Variants in CRISPLD1 observed in about 807,000 individuals in gnomAD.
CRISPLD1 encodes cysteine rich secretory protein LCCL domain containing 1, also known as cysteine-rich secretory protein LCCL domain-containing 1.
A neutral mutation model predicts 77.5 loss-of-function variants in CRISPLD1; 60 were observed. That is an observed-to-expected ratio of 0.77 (90% confidence interval 0.63 to 0.96). The LOEUF is 0.96. Among genes scored for constraint, CRISPLD1 ranks in the 40% least tolerant of loss-of-function variants. The probability of loss-of-function intolerance (pLI) is 0.00; values close to 1 mark genes in which losing one functional copy is unlikely to be tolerated. For synonymous variants in CRISPLD1, 195 were observed against 200.1 expected (o/e 0.97, Z 0.22); for missense variants, 623 against 615.8 (o/e 1.01, Z -0.12).
chr8:74,993,336 A>G (rs1256991003), intron 2 of CRISPLD1, among the ~76,000 whole-genome samples: 1 of 152,220 alleles, frequency 6.6e-6, no homozygotes, highest in East Asian at 1.9e-4. Context: ...TCTCTGACAT[A>G]TAGTATCTGC....
chr8:75,007,080 G>C (rs1812845263), intron 2 of CRISPLD1, among the ~76,000 whole-genome samples: 1 of 151,844 alleles, frequency 6.6e-6, no homozygotes, highest in African/African-American at 2.4e-5. Flanking sequence ...ACTCTCTTCA[G>C]ACAAATTCTT....
At chr8:74,993,818 A>C (rs558019097) in intron 2 of CRISPLD1, among the ~76,000 whole-genome samples, 1 of 152,342 alleles carries the variant, frequency 6.6e-6, no homozygotes, top group East Asian at 1.9e-4. Flanking sequence ...GGAGTTTACT[A>C]AATGCCAGGC....
chr8:75,013,990 G>C lies in CRISPLD1; in HGVS notation c.514G>C (p.Val172Leu). Residue 172 changes from valine to leucine, a missense_variant, in exon 5 of 15, where the codon GTG becomes CTG. Physicochemically the swap from Val to Leu is conservative, Grantham distance 32 (BLOSUM62 1). Coordinates refer to ENST00000262207, the MANE Select transcript of CRISPLD1 (RefSeq NM_031461.6). ...GCCTTTCATTTTTCTAACATAGGTC[G>C]TGTGGGCAACTAGTAACAGAATCGG... is the stretch of plus-strand genomic sequence containing the variant. ...GPVCTHYTQV[V>L]WATSNRIGCA... is the part of the protein sequence containing the mutation. 1 of 1,608,800 alleles carries C rather than the reference G, an allele frequency of 6.2e-7. No individual in the cohort carries two copies. Among genetic ancestry groups the C allele is most frequent in the Non-Finnish European group, 8.5e-7 (1 of 1,175,680 alleles).
intron 2 of CRISPLD1, 81 bp from the exon 3 acceptor site, chr8:75,012,352 T>G (rs535569429): frequency 1.5e-5 from 12 of 801,800 alleles, no homozygotes; most frequent in Non-Finnish European, 2.6e-5. Flanking sequence ...AAGAAGAAAA[T>G]GTAAGAACTG....
At position 75,020,049 on chromosome 8, in the gene CRISPLD1, C is replaced by T. The variant is rs1049378754; in HGVS notation, c.1214C>T (p.Pro405Leu). 6.2e-7 allele frequency: 1 copy of T among 1,614,074 alleles called. No homozygotes were observed. The highest frequency in any genetic ancestry group is 8.5e-7 in the Non-Finnish European group (1 of 1,179,974). Reference protein sequence around the residue: ...TCETTVEQLCPFHKPASHCPR... With the variant: ...TCETTVEQLCLFHKPASHCPR... ...GAAACAACTGTGGAACAGCTCTGTCCATTTCATAAGCCTGCTTCACATTGC... is the reference window on the plus strand; with the variant it reads ...GAAACAACTGTGGAACAGCTCTGTCTATTTCATAAGCCTGCTTCACATTGC... The change falls in exon 12 of 15, where the codon CCA becomes CTA. Residue 405 changes from proline to leucine, a missense_variant. By Grantham distance (98) the Pro-to-Leu change is moderately conservative (BLOSUM62 -3). Transcript: ENST00000262207.
chr8:75,024,256 G>A (rs1813194302), intron 12 of CRISPLD1, among the ~76,000 whole-genome samples: 1 of 152,184 alleles, frequency 6.6e-6, no homozygotes, highest in African/African-American at 2.4e-5. Flanking sequence ...CATTTACTCT[G>A]AATGTGATGG....
intron 2 of CRISPLD1, among the ~76,000 whole-genome samples, chr8:74,991,931 A>G (rs899282158): frequency 3.9e-5 from 6 of 152,152 alleles, no homozygotes; most frequent in South Asian, 2.1e-4. Context: ...ATTTAAGCCT[A>G]TTTATAGTAT....
chr8:74,992,926 T>C (rs936022411), intron 2 of CRISPLD1, among the ~76,000 whole-genome samples: 7 of 150,222 alleles, frequency 4.7e-5, no homozygotes, highest in Non-Finnish European at 1.0e-4. Flanking sequence ...TTTTTTTTTT[T>C]CCTTCTGTGC....
intron 10 of CRISPLD1, among the ~76,000 whole-genome samples, chr8:75,019,150 C>T (rs1019018729): frequency 3.3e-5 from 5 of 151,894 alleles, no homozygotes; most frequent in Non-Finnish European, 5.9e-5. Flanking sequence ...CTTTTGGACA[C>T]GTTATAGATG....
intron 2 of CRISPLD1, among the ~76,000 whole-genome samples, chr8:75,004,104 C>T (rs1479220144): frequency 6.6e-6 from 1 of 152,170 alleles, no homozygotes; most frequent in African/African-American, 2.4e-5. Flanking sequence ...AAGTGAAACA[C>T]TACCACACAT....
chr8:75,017,669 A>C (rs999472617), intron 10 of CRISPLD1, among the ~76,000 whole-genome samples: 1 of 152,176 alleles, frequency 6.6e-6, no homozygotes, highest in Non-Finnish European at 1.5e-5. Flanking sequence ...TAAAACTCCA[A>C]ATTTTTGAGT....
intron 2 of CRISPLD1, among the ~76,000 whole-genome samples, chr8:74,992,634 G>C (rs1307889380): frequency 6.6e-6 from 1 of 152,108 alleles, no homozygotes; most frequent in Non-Finnish European, 1.5e-5. Flanking sequence ...GAGAAGTGTT[G>C]GCAGACCCTC....
At chr8:74,999,839 TCTC>T (rs1812709280) in intron 2 of CRISPLD1, among the ~76,000 whole-genome samples, 1 of 151,504 alleles carries the variant, frequency 6.6e-6, no homozygotes, top group East Asian at 1.9e-4. Flanking sequence ...AATAATTTTC[TCTC>T]CTCTAAGGCC....
intron 2 of CRISPLD1, among the ~76,000 whole-genome samples, chr8:74,995,701 T>TC (rs1457803900): frequency 2.0e-5 from 3 of 152,226 alleles, no homozygotes; most frequent in Non-Finnish European, 4.4e-5. Context: ...AAGAGATAAT[T>TC]CAATTAGGGA....
intron 2 of CRISPLD1, among the ~76,000 whole-genome samples, chr8:75,005,118 A>G (rs1812806586): frequency 6.6e-6 from 1 of 152,112 alleles, no homozygotes; most frequent in Non-Finnish European, 1.5e-5. Flanking sequence ...CAGTTTGAGA[A>G]CAGCTTTTGC....
chr8:75,030,706 G>A (rs370912415), intron 14 of CRISPLD1, among the ~76,000 whole-genome samples: 4 of 147,902 alleles, frequency 2.7e-5, no homozygotes, highest in South Asian at 2.1e-4. Context: ...GTGTGTGTGT[G>A]TATATGTATG....
chr8:75,017,019 A>C (rs776231297), intron 8 of CRISPLD1, 28 bp from the exon 9 acceptor site: 1 of 1,601,608 alleles, frequency 6.2e-7, no homozygotes, highest in Non-Finnish European at 8.5e-7. Flanking sequence ...AGAGAAACTA[A>C]ATTTTGTGCC....
intron 2 of CRISPLD1, among the ~76,000 whole-genome samples, chr8:74,993,240 T>G (rs1401578602): frequency 6.6e-6 from 1 of 152,202 alleles, no homozygotes; most frequent in Non-Finnish European, 1.5e-5. Context: ...CAATTAAGGT[T>G]ATTGCAATTC....
At chr8:74,986,995 A>T (rs1812506999) in intron 2 of CRISPLD1, among the ~76,000 whole-genome samples, 1 of 152,216 alleles carries the variant, frequency 6.6e-6, no homozygotes, top group African/African-American at 2.4e-5. Flanking sequence ...TATTCCTTCC[A>T]TGAATGAGGA....
Sources: gnomAD v4.1 joint callset for allele counts (sites outside exome capture counted in the v4.1 genomes callset) on GRCh38, gnomAD v4.1.1 for gene constraint, MANE v1.5 for transcripts, NCBI Gene and HGNC (gene_info 2026-07-23, HGNC 2026-07-21) for gene names.